CDKL3: variants seen among roughly 807,000 people sequenced by gnomAD.
CDKL3 encodes cyclin dependent kinase like 3.
A neutral mutation model predicts 69.3 loss-of-function variants in CDKL3; 65 were observed. That is an observed-to-expected ratio of 0.94 (90% CI 0.77 to 1.15). The LOEUF (loss-of-function observed/expected upper bound fraction) is 1.15. Ranked by LOEUF, CDKL3 falls within the 50% of genes most tolerant of loss-of-function variation. The probability of loss-of-function intolerance (pLI) is 0.00; values close to 1 mark genes in which losing one functional copy is unlikely to be tolerated. For missense variants in CDKL3, 652 were observed against 689.2 expected (o/e 0.95, Z 0.61); for synonymous variants, 202 against 221.6 (o/e 0.91, Z 0.79).
chr5:134,338,169 A>G (rs1365351306), intron 4 of CDKL3, among the ~76,000 whole-genome samples: 1 of 152,182 alleles, frequency 6.6e-6, no homozygotes. Context: ...GTTTAGAGAA[A>G]TGACTATAAA....
intron 8 of CDKL3, among the ~76,000 whole-genome samples, chr5:134,286,779 A>G (rs1457862190): frequency 1.3e-5 from 2 of 152,114 alleles, no homozygotes; most frequent in Admixed American, 6.6e-5. Flanking sequence ...CACAGGAAAG[A>G]CCTGCCCCCA....
intron 4 of CDKL3, among the ~76,000 whole-genome samples, chr5:134,343,551 T>C (rs1478481687): frequency 2.0e-5 from 3 of 152,228 alleles, no homozygotes; most frequent in African/African-American, 7.2e-5. Context: ...TTAGAAATTA[T>C]GGTTTAGGAG....
chr5:134,361,115 A>C (rs1465152591), intron 2 of CDKL3, among the ~76,000 whole-genome samples: 1 of 152,240 alleles, frequency 6.6e-6, no homozygotes, highest in Non-Finnish European at 1.5e-5. Flanking sequence ...CTTAGGAAAC[A>C]AATGAGATTT....
chr5:134,366,364 GA>G lies in CDKL3; in HGVS notation c.159del (p.Leu54Ter), dbSNP rs750391260. 3.3e-5 allele frequency: 52 copies of G among 1,559,002 alleles called. No homozygotes were observed. The highest frequency in any genetic ancestry group is 4.5e-5 in the Non-Finnish European group (52 of 1,157,624). On this transcript the variant is annotated frameshift_variant, in exon 2 of 13. Coordinates refer to ENST00000265334, the MANE Select transcript of CDKL3 (RefSeq NM_001113575.2). LOFTEE classifies it high-confidence loss of function. ...TTAAGGCAAAAGAAGCAAACCTTTA[GA>G]AACTTTATTTCTCTCATCGCAATTT... ...VNKIAMREIK[F>X]LKQFHHENLV...
chr5:134,330,744 T>C (rs1775577374), intron 4 of CDKL3, among the ~76,000 whole-genome samples: 1 of 152,108 alleles, frequency 6.6e-6, no homozygotes, highest in Admixed American at 6.6e-5. Context: ...AAGCTTTGGC[T>C]AACTTTCTCG....
rs768456448 is a variant in CDKL3 at position 134,359,981 on chromosome 5, ATGT to A, written c.273_275del (p.Gln91del). ...GCTTACTCTCTAGTCCATGACAATA[ATGT>A]TGTAACTCATCTAATACTGTGTGGT... is the stretch of plus-strand genomic sequence containing the variant. On this transcript the variant is annotated inframe_deletion, in exon 3 of 13. Transcript: ENST00000265334. The A allele has an allele frequency of 6.3e-7, 1 of 1,575,526 alleles. No homozygotes were observed. Among genetic ancestry groups the A allele is most frequent in the African/African-American group, 1.3e-5 (1 of 74,406 alleles).
intron 9 of CDKL3, among the ~76,000 whole-genome samples, chr5:134,307,079 GAATGAATAA>G (rs977600731): frequency 1.3e-5 from 2 of 152,104 alleles, no homozygotes; most frequent in African/African-American, 4.8e-5. Context: ...TTAGCTTCAA[GAATGAATAA>G]ATTATGGCTT....
chr5:134,354,803 C>A (rs944254867), intron 3 of CDKL3, among the ~76,000 whole-genome samples: 2 of 151,934 alleles, frequency 1.3e-5, no homozygotes, highest in African/African-American at 4.8e-5. Context: ...AAAAATTAGC[C>A]GGACATGGTG....
At chr5:134,330,195 A>G (rs955315724) in intron 4 of CDKL3, among the ~76,000 whole-genome samples, 1 of 152,148 alleles carries the variant, frequency 6.6e-6, no homozygotes, top group African/African-American at 2.4e-5. Context: ...TCCTTTTTAC[A>G]TTGTTAACTG....
intron 4 of CDKL3, among the ~76,000 whole-genome samples, chr5:134,330,560 C>G (rs562445706): frequency 1.3e-5 from 2 of 151,916 alleles, no homozygotes; most frequent in African/African-American, 4.8e-5. Context: ...ACAAAAAATA[C>G]AAAATGTAGC....
chr5:134,298,677 T>C lies in CDKL3; in HGVS notation c.1753A>G (p.Lys585Glu), dbSNP rs769958685. ...TACCAGAAAAAAAACCTGTTTCTCT[T>C]CAAATTCTTCCCCTCGCAATGGCCA... is the stretch of plus-strand genomic sequence containing the variant. ...GDGHCEGKNL[K>E]RNRFFFW The change falls in exon 13 of 13, where the codon AAG becomes GAG. Residue 585 changes from lysine to glutamate, a missense_variant. Coordinates refer to ENST00000265334, the MANE Select transcript of CDKL3 (RefSeq NM_001113575.2). 5.6e-6 allele frequency: 9 copies of C among 1,613,180 alleles called. No homozygotes were observed. The highest frequency in any genetic ancestry group is 7.6e-6 in the Non-Finnish European group (9 of 1,179,562).
chr5:134,294,278 T>C (rs941151884), downstream of CDKL3, among the ~76,000 whole-genome samples: 1 of 152,138 alleles, frequency 6.6e-6, no homozygotes, highest in Non-Finnish European at 1.5e-5. Flanking sequence ...TCTAAGTAGA[T>C]GAAGAAAGGG....
chr5:134,347,832 G>A (rs141526729), intron 4 of CDKL3, among the ~76,000 whole-genome samples: 9 of 151,896 alleles, frequency 5.9e-5, no homozygotes, highest in South Asian at 2.1e-4. Context: ...AATCCATAGC[G>A]AATGAAAGCA....
At chr5:134,318,371 C>A (rs1036250336) in intron 6 of CDKL3, among the ~76,000 whole-genome samples, 1 of 152,116 alleles carries the variant, frequency 6.6e-6, no homozygotes, top group Admixed American at 6.5e-5. Flanking sequence ...AAAACTACAG[C>A]TGCTCAGGTC....
chr5:134,285,727 G>A (rs944732099), downstream of CDKL3, among the ~76,000 whole-genome samples: 1 of 152,230 alleles, frequency 6.6e-6, no homozygotes, highest in Non-Finnish European at 1.5e-5. Context: ...CTATTGCATT[G>A]TCAGGCTGCA....
chr5:134,357,403 C>T (rs1290130982), intron 3 of CDKL3, among the ~76,000 whole-genome samples: 1 of 151,802 alleles, frequency 6.6e-6, no homozygotes, highest in Non-Finnish European at 1.5e-5. Flanking sequence ...CACGCCATTG[C>T]ACTCCAGCCT....
chr5:134,322,945 C>G (rs1031933049), intron 4 of CDKL3, among the ~76,000 whole-genome samples: 4 of 151,046 alleles, frequency 2.6e-5, no homozygotes, highest in African/African-American at 9.8e-5. Flanking sequence ...TGCCATTGCA[C>G]TCTAGCCTGG....
At chr5:134,287,385 T>C (rs1328807674) in intron 8 of CDKL3, among the ~76,000 whole-genome samples, 1 of 152,192 alleles carries the variant, frequency 6.6e-6, no homozygotes, top group East Asian at 1.9e-4. Context: ...GTGTTCCCTA[T>C]CCTTGTGACT....
chr5:134,303,700 A>G (rs1460902870), intron 11 of CDKL3, among the ~76,000 whole-genome samples: 2 of 149,232 alleles, frequency 1.3e-5, no homozygotes. Context: ...AAATACAAAA[A>G]TTAGCCAGGC....
Sources: gnomAD v4.1 joint callset for allele counts (sites outside exome capture counted in the v4.1 genomes callset) on GRCh38, gnomAD v4.1.1 for gene constraint, MANE v1.5 for transcripts, NCBI Gene and HGNC (gene_info 2026-07-23, HGNC 2026-07-21) for gene names.